TENM4: variants seen among roughly 807,000 people sequenced by gnomAD.
The protein encoded by TENM4 is teneurin transmembrane protein 4.
A neutral mutation model predicts 243.3 loss-of-function variants in TENM4; 82 were observed. The ratio of observed to expected loss-of-function variants is 0.34; its 90% CI spans 0.28 to 0.40. The LOEUF (loss-of-function observed/expected upper bound fraction) is 0.40, where lower values mean the gene tolerates loss of function less well. Among genes scored for constraint, TENM4 ranks in the 10% least tolerant of loss-of-function variants. TENM4 has a pLI of 1.00. For missense variants in TENM4, 3,138 were observed against 3,673.3 expected, an observed-to-expected ratio of 0.85 and a Z score of 3.77; for synonymous variants, 1,412 against 1,456.3, an observed-to-expected ratio of 0.97 and a Z score of 0.69.
intron 6 of TENM4, among the ~76,000 whole-genome samples, chr11:78,958,554 A>T (rs1454498286): frequency 6.6e-6 from 1 of 152,222 alleles, no homozygotes; most frequent in Non-Finnish European, 1.5e-5. Flanking sequence ...CACAGGGACA[A>T]TGAGCTGTTC....
chr11:79,223,190 G>A (rs571282523), intron 2 of TENM4, among the ~76,000 whole-genome samples: 10 of 152,182 alleles, frequency 6.6e-5, no homozygotes, highest in East Asian at 1.9e-4. Flanking sequence ...GAGAAAGATC[G>A]TGTGTTTAGA....
chr11:79,158,839 A>C (rs1862679828), intron 3 of TENM4, among the ~76,000 whole-genome samples: 1 of 152,190 alleles, frequency 6.6e-6, no homozygotes, highest in Admixed American at 6.5e-5. Context: ...AATGGCCACC[A>C]GCCACTGAGG....
chr11:79,420,667 C>G (rs1303646366), intron 1 of TENM4, among the ~76,000 whole-genome samples: 1 of 151,920 alleles, frequency 6.6e-6, no homozygotes, highest in Non-Finnish European at 1.5e-5. Flanking sequence ...TATTTGGACA[C>G]AAACCAGTTT....
chr11:79,068,824 A>T (rs537572584), intron 5 of TENM4, among the ~76,000 whole-genome samples: 1 of 152,286 alleles, frequency 6.6e-6, no homozygotes, highest in East Asian at 1.9e-4. Context: ...GGGCTGGCCC[A>T]TGAGTGGTGG....
chr11:79,121,546 T>C (rs2137131530), intron 4 of TENM4, among the ~76,000 whole-genome samples: 1 of 152,304 alleles, frequency 6.6e-6, no homozygotes, highest in South Asian at 2.1e-4. Flanking sequence ...AGCTCTTCCC[T>C]GGCCCACACA....
chr11:79,259,579 A>G (rs1855758289), intron 2 of TENM4, among the ~76,000 whole-genome samples: 1 of 150,246 alleles, frequency 6.7e-6, no homozygotes, highest in Admixed American at 6.6e-5. Flanking sequence ...TCATCCATGC[A>G]TCTATCCACT....
At chr11:79,401,816 G>C (rs560005487) in intron 1 of TENM4, among the ~76,000 whole-genome samples, 2 of 152,202 alleles carry the variant, frequency 1.3e-5, no homozygotes, top group Admixed American at 1.3e-4. Context: ...GATATGACAA[G>C]CTGGGTTTTG....
At chr11:79,274,320 C>T (rs528545603) in intron 2 of TENM4, among the ~76,000 whole-genome samples, 36 of 152,358 alleles carry the variant, frequency 2.4e-4, no homozygotes, top group African/African-American at 6.3e-4. Context: ...TTTTCACTCT[C>T]AGATTTGCAA....
At chr11:78,992,452 C>A (rs1302529356) in intron 6 of TENM4, among the ~76,000 whole-genome samples, 1 of 152,192 alleles carries the variant, frequency 6.6e-6, no homozygotes, top group East Asian at 1.9e-4. Context: ...TTACACTGTG[C>A]ATTGCTTTAG....
At chr11:78,913,664 G>A (rs974051543) in intron 6 of TENM4, among the ~76,000 whole-genome samples, 9 of 151,644 alleles carry the variant, frequency 5.9e-5, no homozygotes, top group Non-Finnish European at 1.3e-4. Context: ...AACAGGAGTC[G>A]GCAGTGTGAT....
intron 3 of TENM4, among the ~76,000 whole-genome samples, chr11:79,168,617 G>T (rs932996311): frequency 1.3e-5 from 2 of 152,148 alleles, no homozygotes; most frequent in African/African-American, 2.4e-5. Context: ...TCTGACTGCT[G>T]CAGAAAGCAA....
intron 4 of TENM4, among the ~76,000 whole-genome samples, chr11:79,102,750 T>C (rs954371579): frequency 1.3e-5 from 2 of 152,274 alleles, no homozygotes; most frequent in African/African-American, 4.8e-5. Context: ...ATTCTGTATC[T>C]GCACTGTCCA....
In TENM4 at chr11:78,854,056, C is replaced by T. The variant is rs1445051287; in HGVS notation, c.1681+48G>A. 2.0e-6 allele frequency: 3 copies of T among 1,517,848 alleles called. No homozygotes were observed. In the East Asian group the frequency reaches 7.4e-5, roughly 37 times the overall value. The allele number at this position is 1,517,848 out of a possible 1,614,324, so 94.0% of individuals were successfully genotyped here. ...CCCAGAATCTCCATGCAGCCTCCGA[C>T]CAAAAGAGACAATATCCCACAGCCC... On this transcript the variant is annotated intron_variant, in intron 12 of 33. Transcript: ENST00000278550.
chr11:79,198,418 G>A (rs998286399), intron 3 of TENM4, among the ~76,000 whole-genome samples: 2 of 152,176 alleles, frequency 1.3e-5, no homozygotes, highest in South Asian at 2.1e-4. Context: ...TTCAACACTC[G>A]CCAGGTGATT....
chr11:79,142,035 T>C (rs889476513), intron 4 of TENM4, among the ~76,000 whole-genome samples: 7 of 152,090 alleles, frequency 4.6e-5, no homozygotes, highest in Admixed American at 2.0e-4. Flanking sequence ...GGAATCATAT[T>C]GAGTGGGGAA....
intron 7 of TENM4, among the ~76,000 whole-genome samples, chr11:78,897,225 C>A (rs964712441): frequency 6.6e-6 from 1 of 152,128 alleles, no homozygotes; most frequent in Non-Finnish European, 1.5e-5. Flanking sequence ...GAATGAAGTG[C>A]GTCCTGTGTG....
At chr11:79,192,196 C>T (rs1377288377) in intron 3 of TENM4, among the ~76,000 whole-genome samples, 7 of 151,406 alleles carry the variant, frequency 4.6e-5, no homozygotes, top group Non-Finnish European at 8.9e-5. Context: ...CTGAGGGGCA[C>T]CTCTGCCCGG....
chr11:78,907,991 T>C (rs751851556), intron 6 of TENM4, among the ~76,000 whole-genome samples: 3 of 152,242 alleles, frequency 2.0e-5, no homozygotes, highest in Non-Finnish European at 4.4e-5. Flanking sequence ...CCAGGAAGTT[T>C]CTTTGCTTCC....
In TENM4 at chr11:78,877,442, G is replaced by A. The variant is rs554673047; in HGVS notation, c.1084+12343C>T. 2.6e-5 allele frequency among the ~76,000 whole-genome samples: 4 copies of A among 152,214 alleles called. No homozygotes were observed. In the South Asian group the frequency reaches 6.2e-4, roughly 24 times the overall value. On this transcript the variant is annotated intron_variant, in intron 9 of 33. Coordinates refer to ENST00000278550, the MANE Select transcript of TENM4 (RefSeq NM_001098816.3). ...GTTTTCTCTTTCTCTCTGCACTTAA[G>A]TGCAATTAAATTATGTTATTTCACA...
Sources: gnomAD v4.1 joint callset for allele counts (sites outside exome capture counted in the v4.1 genomes callset) on GRCh38, gnomAD v4.1.1 for gene constraint, MANE v1.5 for transcripts, NCBI Gene and HGNC (gene_info 2026-07-23, HGNC 2026-07-21) for gene names.